Variants in FASN observed in about 807,000 individuals in gnomAD.
The protein encoded by FASN is 3-hydroxyacyl-[acyl-carrier-protein] dehydratase.
A neutral mutation model predicts 250.0 loss-of-function variants in FASN; 50 were observed. That is an observed-to-expected ratio of 0.20 (90% CI 0.16 to 0.25). The LOEUF (loss-of-function observed/expected upper bound fraction) is 0.25, where lower values mean the gene tolerates loss of function less well. Ranked by LOEUF, FASN falls within the 10% of genes least tolerant of loss-of-function variation. The pLI is 1.00. For synonymous variants in FASN, 1,909 were observed against 1,584.0 expected (o/e 1.21, Z -4.87); for missense variants, 3,031 against 3,498.5 (o/e 0.87, Z 3.37).
chr17:82,094,825 C>A (rs568182739), intron 3 of FASN, among the ~76,000 whole-genome samples: 1 of 150,550 alleles, frequency 6.6e-6, no homozygotes, highest in Non-Finnish European at 1.5e-5. Context: ...AATAAAAAAA[C>A]GGCGTGGCGC....
Position 82,085,103 on chromosome 17 carries a change from G to C in FASN, c.4341C>G (p.Asn1447Lys). 1.9e-6 allele frequency: 3 copies of C among 1,612,670 alleles called. No homozygotes were observed. Among genetic ancestry groups the C allele is most frequent in the East Asian group, 2.2e-5 (1 of 44,874 alleles). Reference protein sequence around the residue: ...SSRPVWLKAINCATSGVVGLV... With the variant: ...SSRPVWLKAIKCATSGVVGLV... ...AGCCCACCACGCCCGAGGTGGCACA[G>C]TTGATGGCCTTCAGCCACACAGGCC... The change falls in exon 25 of 43, where the codon AAC becomes AAG. Residue 1447 changes from asparagine to lysine, a missense_variant. Coordinates refer to ENST00000306749, the MANE Select transcript of FASN (RefSeq NM_004104.5).
chr17:82,096,887 G>A, intron 1 of FASN: 1 of 294,086 alleles, frequency 3.4e-6, no homozygotes, highest in African/African-American at 2.2e-5. Context: ...CTGAGATGGG[G>A]ACAAGGCCTC....
intron 11 of FASN, 48 bp downstream of exon 11, chr17:82,090,327 G>A (rs1381784732): frequency 6.5e-7 from 1 of 1,534,772 alleles, no homozygotes; most frequent in Middle Eastern, 2.2e-4. Flanking sequence ...ACAGCGAGAA[G>A]GCAGCCTCCT....
intron 31 of FASN, 23 bp downstream of exon 31, chr17:82,083,494 C>G: frequency 6.2e-7 from 1 of 1,612,764 alleles, no homozygotes. Context: ...TGCCCACCCC[C>G]GCCCAGGCGC....
rs1440441573 is a variant in FASN, at chr17:82,098,211, C to T, written c.-98G>A. 2 of 368,082 alleles carry T rather than the reference C, an allele frequency of 5.4e-6. No individual in the cohort carries two copies. Among genetic ancestry groups the T allele is most frequent in the African/African-American group, 2.1e-5 (1 of 47,178 alleles). The allele number at this position is 368,082 out of a possible 1,614,324, so 22.8% of individuals were successfully genotyped here. A position where few individuals can be genotyped will look rare whatever the true frequency, so the allele number is the denominator to read the frequency against. Reference sequence around the variant, plus strand: ...GCTGAAGCGCGGCGGAGAGGGAGGCCGGGGCCGCTGCCGTCTCTCTGGCTC... The same window carrying T: ...GCTGAAGCGCGGCGGAGAGGGAGGCTGGGGCCGCTGCCGTCTCTCTGGCTC... On this transcript the variant is annotated 5_prime_UTR_variant, in exon 1 of 43. Coordinates refer to ENST00000306749, the MANE Select transcript of FASN (RefSeq NM_004104.5).
In FASN at chr17:82,088,461, G is replaced by A. The variant is rs564753436; in HGVS notation, c.2522C>T (p.Ala841Val). 2.4e-5 allele frequency: 39 copies of A among 1,611,768 alleles called. No individual in the cohort carries two copies. The South Asian group carries it at 2.9e-4, about 12-fold the overall frequency. The change falls in exon 16 of 43, where the codon GCC becomes GTC. Residue 841 changes from alanine to valine, a missense_variant. Transcript: ENST00000306749. ...GTCCTCGGCGGCCGGCACGTCCCAG[G>A]CCAGGCTGTGGTCCCACTTGATGAG... is the stretch of plus-strand genomic sequence containing the variant. ...SPLIKWDHSL[A>V]WDVPAAEDFP...
In FASN at chr17:82,084,016, G is replaced by A. The variant is rs2034040807; in HGVS notation, c.5057C>T (p.Ala1686Val). 6 of 1,539,444 alleles carry A rather than the reference G, an allele frequency of 3.9e-6. No homozygotes were observed. The South Asian group carries it at 7.1e-5, about 18-fold the overall frequency. ...GSGGVGQAAI[A>V]IALSLGCRVF... ...GCGGCAGCCCAGACTGAGGGCGATG[G>A]CGATGGCGGCCTGGCCCACGCCGCC... The change falls in exon 29 of 43, where the codon GCC becomes GTC. Residue 1686 changes from alanine to valine, a missense_variant. Ala to Val is a moderately conservative substitution (Grantham distance 64). Transcript: ENST00000306749.
At chr17:82,093,569 A>C in intron 4 of FASN, 29 bp downstream of exon 4, 1 of 1,612,356 alleles carries the variant, frequency 6.2e-7, no homozygotes, top group Non-Finnish European at 8.5e-7. Flanking sequence ...AAGGCCACCC[A>C]CCTCCGCAGG....
intron 37 of FASN, 35 bp from the exon 38 acceptor site, chr17:82,081,387 G>T: frequency 6.4e-7 from 1 of 1,560,050 alleles, no homozygotes. Flanking sequence ...AACTCCAGAG[G>T]GGGCATGGGG....
chr17:82,093,898 C>T lies in FASN; in HGVS notation c.281-127G>A. On this transcript the variant is annotated intron_variant, in intron 3 of 42. Coordinates refer to ENST00000306749, the MANE Select transcript of FASN (RefSeq NM_004104.5). ...GGCTTGGGGTGAGGGGGGGTCCATC[C>T]CAGTGGGACCCTGGAAGGGGCCTAA... The T allele has an allele frequency of 3.1e-6, 3 of 978,282 alleles. No homozygotes were observed. In the Admixed American group the frequency reaches 6.1e-5, roughly 20 times the overall value. 60.6% of individuals were successfully genotyped at this position (978,282 alleles called of 1,614,324 possible).
At position 82,081,364 on chromosome 17, in the gene FASN, GC is replaced by G. The variant is rs752006320; in HGVS notation, c.6407-13del. On this transcript the variant is annotated splice_polypyrimidine_tract_variant and intron_variant, in intron 37 of 42. Coordinates refer to ENST00000306749, the MANE Select transcript of FASN (RefSeq NM_004104.5). ...CAAGTCGCGGATGCCTGGAAGGGAT[GC>G]GCCGGGTCGGCAACTCCAGAGGGGG... 14 of 1,557,910 alleles carry G rather than the reference GC, an allele frequency of 9.0e-6. No homozygotes were observed. The highest frequency in any genetic ancestry group is 1.2e-5 in the Non-Finnish European group (14 of 1,152,704).
At position 82,089,713 on chromosome 17, in the gene FASN, C is replaced by T. The variant is rs1386957976; in HGVS notation, c.1884G>A (p.Glu628=). ...CCGGGGGGCAGCGCTGTTTACACTC[C>T]TCCCAGGACAAGCCTATGGCAGAGC... ...GAMAAVGLSW[E]ECKQRCPPGV... is the part of the protein sequence containing the mutation. Residue 628 remains glutamate (E), a synonymous_variant, in exon 12 of 43, where the codon GAG becomes GAA. Transcript: ENST00000306749. 3.8e-6 allele frequency: 6 copies of T among 1,584,926 alleles called. No individual in the cohort carries two copies. Among genetic ancestry groups the T allele is most frequent in the Non-Finnish European group, 3.4e-6 (4 of 1,167,488 alleles).
chr17:82,079,701 G>A (rs751362536), intron 41 of FASN, 93 bp from the exon 42 acceptor site: 55 of 1,474,084 alleles, frequency 3.7e-5, no homozygotes, highest in Non-Finnish European at 4.8e-5. Flanking sequence ...TTTTTGAGAC[G>A]AGTTTCATTT....
At position 82,079,522 on chromosome 17, in the gene FASN, C is replaced by T; in HGVS notation, c.7233G>A (p.Leu2411=). Reference sequence around the variant, plus strand: ...CCGCAAAGCTCAGCTCCTGGCGGTCCAGGCCCTGGTGGCTCTTGATGATCA... The same window carrying T: ...CCGCAAAGCTCAGCTCCTGGCGGTCTAGGCCCTGGTGGCTCTTGATGATCA... ...VDLIIKSHQG[L]DRQELSFAAR... is the part of the protein sequence containing the mutation. The change falls in exon 42 of 43, where the codon CTG becomes CTA. Residue 2411 remains leucine, a synonymous_variant. Coordinates refer to ENST00000306749, the MANE Select transcript of FASN (RefSeq NM_004104.5). 1 of 1,611,570 alleles carries T rather than the reference C, an allele frequency of 6.2e-7. No individual in the cohort carries two copies. The highest frequency in any genetic ancestry group is 1.1e-5 in the South Asian group (1 of 91,086).
At position 82,083,292 on chromosome 17, in the gene FASN, G is replaced by C. The variant is rs1480274256; in HGVS notation, c.5475C>G (p.Pro1825=). 2 of 1,612,644 alleles carry C rather than the reference G, an allele frequency of 1.2e-6. No homozygotes were observed. The highest frequency in any genetic ancestry group is 1.7e-6 in the Non-Finnish European group (2 of 1,180,006). The change falls in exon 32 of 43, where the codon CCC becomes CCG. Residue 1825 remains proline, a synonymous_variant. Transcript: ENST00000306749. ...CCCCATGGAACACCGTGCACTTGAG[G>C]GGCCGTACCACCCCATCCCGGATGC... The part of the protein sequence containing the change: ...QAGIRDGVVR[P]LKCTVFHGAQ...
chr17:82,081,579 G>A (rs758111472), intron 37 of FASN, 22 bp downstream of exon 37: 5 of 1,611,218 alleles, frequency 3.1e-6, no homozygotes, highest in South Asian at 1.1e-5. Context: ...CACCTGGCGC[G>A]GCTCCTACTG....
At position 82,080,901 on chromosome 17, in the gene FASN, T is replaced by C. The variant is rs748596547; in HGVS notation, c.6617A>G (p.Lys2206Arg). The C allele has an allele frequency of 2.5e-6, 4 of 1,609,894 alleles. No individual in the cohort carries two copies. Among genetic ancestry groups the C allele is most frequent in the South Asian group, 2.2e-5 (2 of 90,410 alleles). Residue 2206 changes from lysine to arginine, a missense_variant, in exon 39 of 43, where the codon AAG becomes AGG. Physicochemically the swap from Lys to Arg is conservative, Grantham distance 26. Coordinates refer to ENST00000306749, the MANE Select transcript of FASN (RefSeq NM_004104.5). The stretch of plus-strand genomic sequence containing the variant: ...CTGCTGCTGGGCCAGACCATCCTCC[T>C]TGGGCGTGGGGCATGCCAGCTCTGT... Reference protein sequence around the residue: ...EASELACPTPKEDGLAQQQTQ... With the variant: ...EASELACPTPREDGLAQQQTQ...
At position 82,088,783 on chromosome 17, in the gene FASN, T is replaced by C. The variant is rs771237394; in HGVS notation, c.2398A>G (p.Ile800Val). ...RDNLEFFLAG[I>V]GRLHLSGIDA... Reference sequence around the variant, plus strand: ...CACCCTGAGAGGTGCAGCCTGCCGATGCCGGCCAGGAAGAACTCCAGGTTG... The same window carrying C: ...CACCCTGAGAGGTGCAGCCTGCCGACGCCGGCCAGGAAGAACTCCAGGTTG... The change falls in exon 15 of 43, where the codon ATC becomes GTC. Residue 800 changes from isoleucine (I) to valine (V), a missense_variant. Physicochemically the swap from Ile to Val is conservative, Grantham distance 29 (BLOSUM62 3). Coordinates refer to ENST00000306749, the MANE Select transcript of FASN (RefSeq NM_004104.5). 6.2e-7 allele frequency: 1 copy of C among 1,612,262 alleles called. No homozygotes were observed. Among genetic ancestry groups the C allele is most frequent in the South Asian group, 1.1e-5 (1 of 91,076 alleles).
Position 82,088,176 on chromosome 17 carries a change from G to A in FASN, c.2725C>T (p.Gln909Ter). ...LARALGLGVE[Q>*]LPVVFEDVVL... ...ACATCCTCAAACACCACAGGCAGCT[G>A]CTCGACGCCCAGGCCCAGGGCGCGG... The change falls in exon 17 of 43, where the codon CAG becomes TAG. Residue 909 changes from glutamine (Q) to a stop codon, truncating the protein, a stop_gained. Coordinates refer to ENST00000306749, the MANE Select transcript of FASN (RefSeq NM_004104.5). LOFTEE classifies it high-confidence loss of function. The A allele has an allele frequency of 6.2e-7, 1 of 1,612,706 alleles. No individual in the cohort carries two copies. The highest frequency in any genetic ancestry group is 8.5e-7 in the Non-Finnish European group (1 of 1,179,994).
Sources: allele counts gnomAD v4.1 joint callset (sites outside exome capture counted in the v4.1 genomes callset), GRCh38; gene constraint gnomAD v4.1.1; transcripts MANE v1.5; gene names NCBI Gene and HGNC (gene_info 2026-07-23, HGNC 2026-07-21).